The following PARG variants were observed in gnomAD, a reference collection of about 807,000 sequenced individuals.
PARG encodes the protein mitochondrial poly(ADP-ribose) glycohydrolase.
Under a neutral mutation model 113.0 loss-of-function variants are expected in PARG, and 35 were observed. The observed-to-expected ratio is 0.31, with a 90% CI of 0.24 to 0.41. PARG has a LOEUF of 0.41. Among genes scored for constraint, PARG ranks in the 10% least tolerant of loss-of-function variants. The pLI is 1.00. For missense variants in PARG, 797 were observed against 1,169.4 expected (o/e 0.68, Z 4.64); for synonymous variants, 330 against 409.9 (o/e 0.81, Z 2.36).
intron 16 of PARG, among the ~76,000 whole-genome samples, chr10:49,822,264 A>G (rs1268331473): frequency 6.6e-6 from 1 of 151,962 alleles, no homozygotes; most frequent in South Asian, 2.1e-4. Flanking sequence ...ATGCACATAT[A>G]TATTTCCTAG....
At position 49,935,104 on chromosome 10, in the gene PARG, T is replaced by C; in HGVS notation, c.256A>G (p.Lys86Glu). 1.3e-6 allele frequency: 1 copy of C among 783,782 alleles called. No homozygotes were observed. Among genetic ancestry groups the C allele is most frequent in the Non-Finnish European group, 2.2e-6 (1 of 449,656 alleles). The allele number at this position is 783,782 out of a possible 1,614,324, so 48.6% of individuals were successfully genotyped here. A position where few individuals can be genotyped will look rare whatever the true frequency, so the allele number is the denominator to read the frequency against. The stretch of plus-strand genomic sequence containing the variant: ...TCTGATTCCGCTGTCTTGATTCCTT[T>C]AGTGTCCATCCAACTGGTAATAGTC... Reference protein sequence around the residue: ...QKTITSWMDTKGIKTAESESL... With the variant: ...QKTITSWMDTEGIKTAESESL... The change falls in exon 2 of 18, where the codon AAA becomes GAA. Residue 86 changes from lysine to glutamate, a missense_variant. Physicochemically the swap from Lys to Glu is moderately conservative, Grantham distance 56. Coordinates refer to ENST00000616448, the MANE Select transcript of PARG (RefSeq NM_003631.5).
intron 12 of PARG, among the ~76,000 whole-genome samples, chr10:49,860,964 T>C (rs1554835833): frequency 6.6e-6 from 1 of 151,480 alleles, no homozygotes; most frequent in African/African-American, 2.4e-5. Context: ...TTAACCCCCT[T>C]CTCCAAAAAT....
intron 7 of PARG, among the ~76,000 whole-genome samples, chr10:49,892,291 T>C (rs1389516390): frequency 2.6e-5 from 4 of 152,036 alleles, no homozygotes; most frequent in African/African-American, 9.7e-5. Flanking sequence ...AGAAAAGAAA[T>C]ATTACCCACA....
At chr10:49,919,762 T>C (rs1303611431) in intron 6 of PARG, among the ~76,000 whole-genome samples, 3 of 152,196 alleles carry the variant, frequency 2.0e-5, no homozygotes, top group African/African-American at 7.2e-5. Context: ...TGAGATTTTT[T>C]TCCAGCTACT....
intron 3 of PARG, 146 bp downstream of exon 3, chr10:49,933,031 G>C (rs1838566740): frequency 1.6e-6 from 1 of 623,154 alleles, no homozygotes; most frequent in African/African-American, 1.9e-5. Context: ...TTAAACTTTG[G>C]AGTCTAGGTT....
At chr10:49,927,889 G>A (rs1690787618) in intron 4 of PARG, among the ~76,000 whole-genome samples, 1 of 151,760 alleles carries the variant, frequency 6.6e-6, no homozygotes, top group African/African-American at 2.4e-5. Context: ...CTAAGAGTTG[G>A]AGGCTGCAGT....
At chr10:49,914,799 T>C (rs1392517569) in intron 7 of PARG, among the ~76,000 whole-genome samples, 1 of 152,198 alleles carries the variant, frequency 6.6e-6, no homozygotes, top group African/African-American at 2.4e-5. Flanking sequence ...TTACGTCAAC[T>C]GGTTTTGAAA....
At chr10:49,879,119 T>C (rs1847096158) in intron 9 of PARG, among the ~76,000 whole-genome samples, 1 of 152,090 alleles carries the variant, frequency 6.6e-6, no homozygotes, top group Non-Finnish European at 1.5e-5. Flanking sequence ...CATTCTTTTG[T>C]TTTTCTTTTA....
chr10:49,941,627 G>T lies in PARG; in HGVS notation c.99C>A (p.Ser33Arg). ...TGGGGTCGAGGACGCGCCTCTGCCT[G>T]CTGGGAAAGCTCCGGGCGTCCGAAG... ...PAASDARSFP[S>R]RQRRVLDPKD... Residue 33 changes from serine (S) to arginine (R), a missense_variant, in exon 1 of 18, where the codon AGC becomes AGA. Around this residue, in one of 5 missense-constraint regions of PARG, gnomAD observed 27 missense variants for 54.3 expected, o/e 0.50. Coordinates refer to ENST00000616448, the MANE Select transcript of PARG (RefSeq NM_003631.5). 1.9e-6 allele frequency: 3 copies of T among 1,595,192 alleles called. No homozygotes were observed. The highest frequency in any genetic ancestry group is 2.6e-6 in the Non-Finnish European group (3 of 1,172,056).
At chr10:49,920,616 G>GTATATATATACACA (rs1837811811) in intron 6 of PARG, among the ~76,000 whole-genome samples, 1 of 142,004 alleles carries the variant, frequency 7.0e-6, no homozygotes, top group Non-Finnish European at 1.5e-5. Flanking sequence ...ACATATATAC[G>GTATATATATACACA]TATATATATA....
At chr10:49,929,653 CCCCGT>C (rs1838390355) in intron 4 of PARG, among the ~76,000 whole-genome samples, 1 of 152,082 alleles carries the variant, frequency 6.6e-6, no homozygotes, top group African/African-American at 2.4e-5. Context: ...CATGGAGAAA[CCCCGT>C]CTCTACTAAA....
intron 7 of PARG, among the ~76,000 whole-genome samples, chr10:49,895,392 C>T (rs3106094): frequency 4.2e-3 from 640 of 151,846 alleles, no homozygotes; most frequent in East Asian, 0.017. Context: ...GAACTGCATA[C>T]AGGGAGAACT....
At chr10:49,841,881 T>C in intron 15 of PARG, 69 bp downstream of exon 15, 1 of 964,650 alleles carries the variant, frequency 1.0e-6, no homozygotes, top group Non-Finnish European at 1.6e-6. Context: ...AAGCATTAAT[T>C]TCAGCATTAA....
chr10:49,884,558 C>A (rs1266649112), intron 8 of PARG, among the ~76,000 whole-genome samples: 6 of 152,186 alleles, frequency 3.9e-5, no homozygotes, highest in Non-Finnish European at 7.3e-5. Flanking sequence ...GGGATTTGTG[C>A]CATCGCACTC....
chr10:49,910,924 T>C (rs1171469377), intron 7 of PARG, among the ~76,000 whole-genome samples: 3 of 151,964 alleles, frequency 2.0e-5, no homozygotes, highest in African/African-American at 7.2e-5. Context: ...TACTACAGCT[T>C]TAATGTAAAT....
intron 13 of PARG, among the ~76,000 whole-genome samples, chr10:49,848,062 A>C (rs1205489000): frequency 6.6e-6 from 1 of 152,136 alleles, no homozygotes; most frequent in African/African-American, 2.4e-5. Flanking sequence ...AAAAACACGT[A>C]ATATAAGGCC....
In PARG at chr10:49,836,138, T is replaced by C. The variant is rs75763443; in HGVS notation, c.2542-3230A>G. On this transcript the variant is annotated intron_variant, in intron 15 of 17. Coordinates refer to ENST00000616448, the MANE Select transcript of PARG (RefSeq NM_003631.5). ...GCATGATTTTACTTAAAAGATGTCT[T>C]TCATTATCATGTAAATACATTATTC... is the stretch of plus-strand genomic sequence containing the variant. 2.4e-3 allele frequency among the ~76,000 whole-genome samples: 360 copies of C among 152,182 alleles called. 3 individuals are homozygous for C. The highest frequency in any genetic ancestry group is 7.8e-3 in the African/African-American group (323 of 41,520).
At chr10:49,820,688 A>G (rs1844029913) in intron 16 of PARG, among the ~76,000 whole-genome samples, 1 of 149,536 alleles carries the variant, frequency 6.7e-6, no homozygotes, top group African/African-American at 2.5e-5. Context: ...GCACCACTGC[A>G]CTCCAGCCTG....
At chr10:49,899,065 C>G (rs1554843378) in intron 7 of PARG, among the ~76,000 whole-genome samples, 1 of 152,186 alleles carries the variant, frequency 6.6e-6, no homozygotes, top group Non-Finnish European at 1.5e-5. Context: ...CTGACACTTT[C>G]TATCTGGATT....
Sources: allele counts gnomAD v4.1 joint callset (sites outside exome capture counted in the v4.1 genomes callset), GRCh38; gene constraint gnomAD v4.1.1; regional missense constraint gnomAD v4.1.1; transcripts MANE v1.5; gene names NCBI Gene and HGNC (gene_info 2026-07-23, HGNC 2026-07-21).